TFDP2: variants seen among roughly 807,000 people sequenced by gnomAD.
TFDP2 encodes transcription factor Dp-2.
A neutral mutation model predicts 59.3 loss-of-function variants in TFDP2; 17 were observed. The ratio of observed to expected loss-of-function variants is 0.29; its 90% confidence interval spans 0.20 to 0.43. The LOEUF (loss-of-function observed/expected upper bound fraction) is 0.43. Ranked by LOEUF, TFDP2 falls within the 20% of genes least tolerant of loss-of-function variation. The pLI is 1.00. For missense variants in TFDP2, 391 were observed against 528.8 expected (o/e 0.74, Z 2.56); for synonymous variants, 180 against 194.7 (o/e 0.92, Z 0.63).
intron 3 of TFDP2, among the ~76,000 whole-genome samples, chr3:142,026,330 C>CA (rs367909508): frequency 0.07 from 10,512 of 150,288 alleles, 500 homozygotes; most frequent in Middle Eastern, 0.15. Context: ...AAAAAAACAA[C>CA]AAAAAAAAAC....
chr3:142,062,883 GAATA>G (rs1240820292), intron 3 of TFDP2, among the ~76,000 whole-genome samples: 1 of 152,092 alleles, frequency 6.6e-6, no homozygotes, highest in Non-Finnish European at 1.5e-5. Flanking sequence ...AGTCACAAAA[GAATA>G]AATACTGTAT....
intron 3 of TFDP2, among the ~76,000 whole-genome samples, chr3:142,033,550 C>T (rs767919399): frequency 1.3e-5 from 2 of 152,006 alleles, no homozygotes; most frequent in Non-Finnish European, 2.9e-5. Flanking sequence ...ACACGAGCTA[C>T]GTGGCGAGGG....
intron 3 of TFDP2, among the ~76,000 whole-genome samples, chr3:142,010,608 C>CAAAAAA (rs34003711): frequency 3.5e-5 from 2 of 57,136 alleles, no homozygotes; most frequent in Non-Finnish European, 6.6e-5. Flanking sequence ...GACTCTGTCT[C>CAAAAAA]AAAAAAAAAA....
chr3:142,066,571 T>C (rs1220724333), intron 3 of TFDP2, among the ~76,000 whole-genome samples: 1 of 152,198 alleles, frequency 6.6e-6, no homozygotes, highest in Non-Finnish European at 1.5e-5. Context: ...GTATGGGTAC[T>C]CGAAAGTATG....
At position 142,125,955 on chromosome 3, in the gene TFDP2, C is replaced by T. The variant is rs183359787; in HGVS notation, c.-93+23228G>A. ...ACAATATTTGTTTTCTTAATGCAAG[C>T]AGAAATAACCTAAAGTAACAGACAT... On this transcript the variant is annotated intron_variant, in intron 1 of 12. Transcript: ENST00000489671. Among the ~76,000 whole-genome samples the T allele has an allele frequency of 1.7e-3, 266 of 152,064 alleles. 3 individuals carry two copies. Among genetic ancestry groups the T allele is most frequent in the Admixed American group, 0.016 (250 of 15,258 alleles).
intron 3 of TFDP2, among the ~76,000 whole-genome samples, chr3:142,055,689 A>G (rs1185993221): frequency 6.6e-6 from 1 of 152,192 alleles, no homozygotes; most frequent in Non-Finnish European, 1.5e-5. Context: ...AGAAAATAGT[A>G]GGCTTTATCA....
chr3:142,008,905 C>T (rs1944428771), intron 3 of TFDP2, among the ~76,000 whole-genome samples: 1 of 151,906 alleles, frequency 6.6e-6, no homozygotes, highest in Admixed American at 6.6e-5. Flanking sequence ...TATTAGTGAC[C>T]CTATTTTGTA....
At chr3:142,084,924 A>T (rs533962858) in intron 3 of TFDP2, among the ~76,000 whole-genome samples, 5 of 151,922 alleles carry the variant, frequency 3.3e-5, no homozygotes, top group South Asian at 2.1e-4. Flanking sequence ...AGATTTTTTT[A>T]TTTTTATTTT....
intron 1 of TFDP2, among the ~76,000 whole-genome samples, chr3:142,120,871 T>G (rs2062023599): frequency 6.6e-6 from 1 of 152,086 alleles, no homozygotes; most frequent in Non-Finnish European, 1.5e-5. Flanking sequence ...AACCCCTTTT[T>G]GGCATCAGAA....
chr3:141,953,152 C>A, intron 11 of TFDP2, 136 bp from the exon 12 acceptor site: 3 of 513,136 alleles, frequency 5.8e-6, no homozygotes, highest in Admixed American at 3.8e-5. Context: ...CTTGCTGTGA[C>A]AAGAACCCAG....
intron 3 of TFDP2, among the ~76,000 whole-genome samples, chr3:142,052,885 C>T (rs924457038): frequency 4.6e-5 from 7 of 152,090 alleles, no homozygotes; most frequent in Non-Finnish European, 7.4e-5. Context: ...ACTCAGCTCA[C>T]TGCAAGCTTT....
intron 3 of TFDP2, among the ~76,000 whole-genome samples, chr3:142,062,612 T>A (rs934948303): frequency 2.6e-5 from 4 of 152,020 alleles, no homozygotes; most frequent in Admixed American, 6.6e-5. Flanking sequence ...CGACTAAAAC[T>A]GAACCCCAAC....
chr3:142,005,430 A>G lies in TFDP2; in HGVS notation c.186+11T>C. The G allele has an allele frequency of 6.4e-7, 1 of 1,564,256 alleles. No homozygotes were observed. The highest frequency in any genetic ancestry group is 8.8e-7 in the Non-Finnish European group (1 of 1,142,152). On this transcript the variant is annotated intron_variant, in intron 4 of 12. Transcript: ENST00000489671. Reference sequence around the variant, plus strand: ...CAAAGTTTCAATTCTAAGATTTGATAATTTTCTTACCATTTGGGGTCCAAC... The same window carrying G: ...CAAAGTTTCAATTCTAAGATTTGATGATTTTCTTACCATTTGGGGTCCAAC...
At chr3:142,136,137 AT>A (rs1264866701) in intron 1 of TFDP2, among the ~76,000 whole-genome samples, 1 of 151,952 alleles carries the variant, frequency 6.6e-6, no homozygotes, top group Non-Finnish European at 1.5e-5. Flanking sequence ...TTTGATTTGC[AT>A]TTCTCTGATG....
intron 10 of TFDP2, among the ~76,000 whole-genome samples, chr3:141,961,873 G>A (rs189330263): frequency 6.6e-6 from 1 of 152,282 alleles, no homozygotes; most frequent in East Asian, 1.9e-4. Flanking sequence ...AGGAGTTTGA[G>A]GCTGCAGTGA....
intron 3 of TFDP2, among the ~76,000 whole-genome samples, chr3:142,016,158 C>A (rs1028102515): frequency 1.3e-5 from 2 of 150,830 alleles, no homozygotes; most frequent in Non-Finnish European, 3.0e-5. Flanking sequence ...ATTACAGGGG[C>A]CTGCCACCAC....
rs2063306591 is a variant in TFDP2 at position 142,149,435 on chromosome 3, TGCGGCAGCGCCGCAGC to T, written c.-361_-346del. ...GGGCGCGCCCCGCGGGCCGGGCAGC[TGCGGCAGCGCCGCAGC>T]CGAGATCGCTACCGATTTCGTCCGC... On this transcript the variant is annotated 5_prime_UTR_variant, in exon 1 of 13. Coordinates refer to ENST00000489671, the MANE Select transcript of TFDP2 (RefSeq NM_001178139.2). The T allele has an allele frequency of 2.6e-6, 1 of 380,414 alleles. No homozygotes were observed. The highest frequency in any genetic ancestry group is 4.7e-6 in the Non-Finnish European group (1 of 214,828). 23.6% of individuals were successfully genotyped at this position (380,414 alleles called of 1,614,324 possible). A position where few individuals can be genotyped will look rare whatever the true frequency, so the allele number is the denominator to read the frequency against.
At chr3:141,967,508 G>A (rs1461501300) in intron 9 of TFDP2, among the ~76,000 whole-genome samples, 2 of 151,918 alleles carry the variant, frequency 1.3e-5, no homozygotes, top group African/African-American at 4.8e-5. Context: ...TGGTCAGGCT[G>A]GTCTCGAACT....
intron 3 of TFDP2, among the ~76,000 whole-genome samples, chr3:142,038,716 T>C (rs1169309965): frequency 6.6e-6 from 1 of 151,906 alleles, no homozygotes; most frequent in Non-Finnish European, 1.5e-5. Flanking sequence ...ACATATCGAG[T>C]CTTTCTATGA....
Sources: allele counts gnomAD v4.1 joint callset (sites outside exome capture counted in the v4.1 genomes callset), GRCh38; gene constraint gnomAD v4.1.1; transcripts MANE v1.5; gene names NCBI Gene and HGNC (gene_info 2026-07-23, HGNC 2026-07-21).